PROKR1: variants seen among roughly 807,000 people sequenced by gnomAD.
The protein encoded by PROKR1 is prokineticin receptor 1.
A neutral mutation model predicts 22.8 loss-of-function variants in PROKR1; 21 were observed. The ratio of observed to expected loss-of-function variants is 0.92; its 90% confidence interval spans 0.65 to 1.32. PROKR1 has a LOEUF of 1.32. PROKR1 is among the 40% of genes most tolerant of loss of function. The pLI, the probability that PROKR1 is intolerant of heterozygous loss-of-function variation, is 0.00. For missense variants in PROKR1, 548 were observed against 514.2 expected, an observed-to-expected ratio of 1.07 and a Z score of -0.64; for synonymous variants, 193 against 207.5, an observed-to-expected ratio of 0.93 and a Z score of 0.60.
intron 2 of PROKR1, among the ~76,000 whole-genome samples, chr2:68,652,983 A>G (rs554976097): frequency 6.6e-6 from 1 of 152,364 alleles, no homozygotes; most frequent in East Asian, 1.9e-4. Flanking sequence ...GAAAATTCTT[A>G]TAGTGAATAA....
chr2:68,646,235 C>T lies in PROKR1; in HGVS notation c.414C>T (p.Thr138=). Reference sequence around the variant, plus strand: ...GGGAGCACGGCCACGTCCTGTGCACCTCTGTCAACTACCTGCGCACTGTCT... The same window carrying T: ...GGGAGCACGGCCACGTCCTGTGCACTTCTGTCAACTACCTGCGCACTGTCT... The part of the protein sequence containing the change: ...LSWEHGHVLC[T]SVNYLRTVSL... Residue 138 remains threonine, a synonymous_variant, in exon 2 of 3, where the codon ACC becomes ACT. Coordinates refer to ENST00000303786, the MANE Select transcript of PROKR1 (RefSeq NM_138964.4). 1 of 1,613,996 alleles carries T rather than the reference C, an allele frequency of 6.2e-7. No individual in the cohort carries two copies.
chr2:68,646,423 G>A (rs1673181020), intron 2 of PROKR1, 117 bp downstream of exon 2: 1 of 1,432,228 alleles, frequency 7.0e-7, no homozygotes, highest in Non-Finnish European at 9.6e-7. Context: ...CCCCCTAGAT[G>A]TGGTTGCATG....
intron 2 of PROKR1, among the ~76,000 whole-genome samples, chr2:68,648,223 G>A (rs530453286): frequency 6.6e-6 from 1 of 152,114 alleles, no homozygotes; most frequent in African/African-American, 2.4e-5. Context: ...TAGCTTCAAG[G>A]GGAAAGGAAG....
Position 68,655,330 on chromosome 2 carries a change from C to A in PROKR1, c.936C>A (p.Thr312=), listed in dbSNP as rs763997438. 13 of 1,614,134 alleles carry A rather than the reference C, an allele frequency of 8.1e-6. No individual in the cohort carries two copies. The highest frequency in any genetic ancestry group is 6.7e-5 in the Admixed American group (4 of 60,014). The change falls in exon 3 of 3, where the codon ACC becomes ACA. Residue 312 remains threonine (T), a synonymous_variant. Coordinates refer to ENST00000303786, the MANE Select transcript of PROKR1 (RefSeq NM_138964.4). ...CCATCGTGCGCGACTTCTTCCCCAC[C>A]GTGTTTGTGAAGGAGAAGCACTACC... ...GFTIVRDFFP[T]VFVKEKHYLT... is the part of the protein sequence containing the mutation.
chr2:68,654,832 A>G (rs867892449), intron 2 of PROKR1, 48 bp from the exon 3 acceptor site: 1 of 1,401,354 alleles, frequency 7.1e-7, no homozygotes, highest in African/African-American at 1.4e-5. Context: ...AAGATTATCC[A>G]GCACTTCTTT....
chr2:68,646,259 C>A lies in PROKR1; in HGVS notation c.438C>A (p.Val146=). 5 of 1,614,170 alleles carry A rather than the reference C, an allele frequency of 3.1e-6. No homozygotes were observed. The highest frequency in any genetic ancestry group is 4.2e-6 in the Non-Finnish European group (5 of 1,179,996). Residue 146 remains valine, a synonymous_variant, in exon 2 of 3, where the codon GTC becomes GTA. Transcript: ENST00000303786. ...CCTCTGTCAACTACCTGCGCACTGT[C>A]TCTCTCTATGTCTCCACCAATGCCC... The part of the protein sequence containing the change: ...LCTSVNYLRT[V]SLYVSTNALL...
In PROKR1 at chr2:68,655,183, G is replaced by T. The variant is rs755010084; in HGVS notation, c.789G>T (p.Ala263=). ...ARISRELWFK[A]VPGFQTEQIR... Reference sequence around the variant, plus strand: ...TCTCCCGGGAGCTCTGGTTCAAGGCGGTCCCTGGATTCCAGACAGAGCAGA... The same window carrying T: ...TCTCCCGGGAGCTCTGGTTCAAGGCTGTCCCTGGATTCCAGACAGAGCAGA... Residue 263 remains alanine (A), a synonymous_variant, in exon 3 of 3, where the codon GCG becomes GCT. Transcript: ENST00000303786. The T allele has an allele frequency of 3.2e-5, 51 of 1,614,094 alleles. No homozygotes were observed. In the Middle Eastern group the frequency reaches 4.9e-4, roughly 16 times the overall value.
intron 2 of PROKR1, among the ~76,000 whole-genome samples, chr2:68,651,691 A>G (rs1443047845): frequency 6.6e-6 from 1 of 152,222 alleles, no homozygotes; most frequent in Non-Finnish European, 1.5e-5. Context: ...CTAGCCTAGT[A>G]GCTGCTGAGA....
Position 68,646,237 on chromosome 2 carries a change from CT to C in PROKR1, c.417del (p.Val140SerfsTer31), listed in dbSNP as rs755123120. On this transcript the variant is annotated frameshift_variant, in exon 2 of 3. Coordinates refer to ENST00000303786, the MANE Select transcript of PROKR1 (RefSeq NM_138964.4). LOFTEE classifies it high-confidence loss of function. ...SWEHGHVLCT[S>X]VNYLRTVSLY... ...GAGCACGGCCACGTCCTGTGCACCT[CT>C]GTCAACTACCTGCGCACTGTCTCTC... 6.2e-7 allele frequency: 1 copy of C among 1,614,082 alleles called. No individual in the cohort carries two copies. Among genetic ancestry groups the C allele is most frequent in the Non-Finnish European group, 8.5e-7 (1 of 1,179,922 alleles).
Position 68,646,155 on chromosome 2 carries a change from GC to G in PROKR1, c.336del (p.Ile113LeufsTer58). The G allele has an allele frequency of 6.2e-7, 1 of 1,608,142 alleles. No individual in the cohort carries two copies. The highest frequency in any genetic ancestry group is 8.5e-7 in the Non-Finnish European group (1 of 1,176,278). Reference sequence around the variant, plus strand: ...CCTGGCCATCTCTGACTTCCTGGTGGCCATTGTCTGCTGCCCCTTTGAGATG... The same window carrying G: ...CCTGGCCATCTCTGACTTCCTGGTGGCATTGTCTGCTGCCCCTTTGAGATG... Reference protein sequence around the residue: ...ANLAISDFLVAIVCCPFEMDY... With the variant: ...ANLAISDFLVXIVCCPFEMDY... On this transcript the variant is annotated frameshift_variant, in exon 2 of 3. Transcript: ENST00000303786. LOFTEE classifies it high-confidence loss of function.
In PROKR1 at chr2:68,646,268, T is replaced by A. The variant is rs1673177638; in HGVS notation, c.447T>A (p.Tyr149Ter). Residue 149 changes from tyrosine to a stop codon, truncating the protein, a stop_gained, in exon 2 of 3, where the codon TAT becomes TAA. Coordinates refer to ENST00000303786, the MANE Select transcript of PROKR1 (RefSeq NM_138964.4). LOFTEE classifies it high-confidence loss of function. ...SVNYLRTVSL[Y>*]VSTNALLAIA... is the part of the protein sequence containing the mutation. ...ACTACCTGCGCACTGTCTCTCTCTA[T>A]GTCTCCACCAATGCCCTGCTGGCCA... 3 of 1,614,242 alleles carry A rather than the reference T, an allele frequency of 1.9e-6. No individual in the cohort carries two copies. The East Asian group carries it at 6.7e-5, about 36-fold the overall frequency.
intron 2 of PROKR1, among the ~76,000 whole-genome samples, chr2:68,650,982 A>C (rs1031946043): frequency 2.0e-5 from 3 of 152,164 alleles, no homozygotes; most frequent in Non-Finnish European, 4.4e-5. Flanking sequence ...ATGGGTAAGA[A>C]ACACAAGGAC....
At position 68,658,104 on chromosome 2, in the gene PROKR1, C is replaced by G. The variant is rs569616382; in HGVS notation, c.*2528C>G. 1 of 152,268 alleles carries G rather than the reference C, an allele frequency of 6.6e-6. No individual in the cohort carries two copies. Among genetic ancestry groups the G allele is most frequent in the African/African-American group, 2.4e-5 (1 of 41,546 alleles). The allele number at this position is 152,268 out of a possible 1,614,324, so 9.4% of individuals were successfully genotyped here. On this transcript the variant is annotated 3_prime_UTR_variant, in exon 3 of 3. Coordinates refer to ENST00000303786, the MANE Select transcript of PROKR1 (RefSeq NM_138964.4). ...GCTTTTTATATGCGGCAACCAAAGC[C>G]CACTCTGCTTTTCAGCCTAAAATGT...
Position 68,646,624 on chromosome 2 carries a change from G to A in PROKR1, c.485+318G>A, listed in dbSNP as rs548589352. On this transcript the variant is annotated intron_variant, in intron 2 of 2. Coordinates refer to ENST00000303786, the MANE Select transcript of PROKR1 (RefSeq NM_138964.4). ...TAGACAGGTAAGAGGAGATATCGAG[G>A]GAAACTTTAAGCGTCAGGCAGTTAC... Among the ~76,000 whole-genome samples the A allele has an allele frequency of 5.9e-5, 9 of 152,270 alleles. No individual in the cohort carries two copies. In the South Asian group the frequency reaches 1.9e-3, roughly 32 times the overall value.
In PROKR1 at chr2:68,656,649, GTGA is replaced by G. The variant is rs1342766389; in HGVS notation, c.*1077_*1079del. On this transcript the variant is annotated 3_prime_UTR_variant, in exon 3 of 3. Coordinates refer to ENST00000303786, the MANE Select transcript of PROKR1 (RefSeq NM_138964.4). ...TGTTTTCACCAGCTCTCAAATGTGA[GTGA>G]TGAAGAGTTCCCTCCTAACCAGACA... The G allele has an allele frequency of 6.6e-6, 1 of 152,214 alleles. No individual in the cohort carries two copies. Among genetic ancestry groups the G allele is most frequent in the Admixed American group, 6.5e-5 (1 of 15,280 alleles). The allele number at this position is 152,214 out of a possible 1,614,324, so 9.4% of individuals were successfully genotyped here. A position where few individuals can be genotyped will look rare whatever the true frequency, so the allele number is the denominator to read the frequency against.
At position 68,646,015 on chromosome 2, in the gene PROKR1, T is replaced by G. The variant is rs1463035589; in HGVS notation, c.194T>G (p.Ile65Ser). The change falls in exon 2 of 3, where the codon ATT becomes AGT. Residue 65 changes from isoleucine (I) to serine (S), a missense_variant. Transcript: ENST00000303786. ...ACGTTCTTTGCTGCCAAGATTGTCA[T>G]TGGGATGGCCCTGGTGGGCATCATG... is the stretch of plus-strand genomic sequence containing the variant. Reference protein sequence around the residue: ...SRTFFAAKIVIGMALVGIMLV... With the variant: ...SRTFFAAKIVSGMALVGIMLV... The G allele has an allele frequency of 6.2e-7, 1 of 1,614,260 alleles. No homozygotes were observed. Among genetic ancestry groups the G allele is most frequent in the South Asian group, 1.1e-5 (1 of 91,086 alleles).
chr2:68,648,919 C>G (rs925924095), intron 2 of PROKR1, among the ~76,000 whole-genome samples: 5 of 151,984 alleles, frequency 3.3e-5, no homozygotes, highest in African/African-American at 1.2e-4. Flanking sequence ...AAAAAGAAAG[C>G]CTATTGTATT....
chr2:68,653,201 TG>T (rs1441467628), intron 2 of PROKR1, among the ~76,000 whole-genome samples: 2 of 152,210 alleles, frequency 1.3e-5, no homozygotes, highest in Non-Finnish European at 2.9e-5. Context: ...GCCAACACCC[TG>T]CAGACATTTC....
chr2:68,655,020 T>A lies in PROKR1; in HGVS notation c.626T>A (p.Val209Asp), dbSNP rs1350915563. Residue 209 changes from valine (V) to aspartate (D), a missense_variant, in exon 3 of 3, where the codon GTC becomes GAC. Physicochemically the swap from Val to Asp is radical, Grantham distance 152 (BLOSUM62 -3). Transcript: ENST00000303786. ...YFTTETVLVI[V>D]KSQEKIFCGQ... ...ACCACCGAGACGGTCCTCGTCATTG[T>A]CAAGAGCCAGGAAAAGATCTTCTGC... 1 of 1,613,820 alleles carries A rather than the reference T, an allele frequency of 6.2e-7. No individual in the cohort carries two copies. Among genetic ancestry groups the A allele is most frequent in the Non-Finnish European group, 8.5e-7 (1 of 1,179,996 alleles).
Sources: allele counts gnomAD v4.1 joint callset (sites outside exome capture counted in the v4.1 genomes callset), GRCh38; gene constraint gnomAD v4.1.1; transcripts MANE v1.5; gene names NCBI Gene and HGNC (gene_info 2026-07-23, HGNC 2026-07-21).